CFAP299: variants seen among roughly 807,000 people sequenced by gnomAD.
CFAP299 encodes the protein cilia and flagella associated protein 299.
Under a neutral mutation model 27.0 loss-of-function variants are expected in CFAP299, and 21 were observed. That is an observed-to-expected ratio of 0.78 (90% CI 0.55 to 1.12). The LOEUF (loss-of-function observed/expected upper bound fraction) is 1.12. Among genes scored for constraint, CFAP299 ranks in the 50% most tolerant of loss-of-function variants. The pLI, the probability that CFAP299 is intolerant of heterozygous loss-of-function variation, is 0.00. For missense variants in CFAP299, 310 were observed against 276.6 expected (o/e 1.12, Z -0.86); for synonymous variants, 104 against 98.1 (o/e 1.06, Z -0.36).
chr4:80,406,989 C>G (rs182712207), intron 2 of CFAP299, among the ~76,000 whole-genome samples: 155 of 151,786 alleles, frequency 1.0e-3, no homozygotes, highest in African/African-American at 3.5e-3. Flanking sequence ...TTTTTTTAAA[C>G]CAAAATAGCA....
chr4:80,574,151 T>A (rs895405541), intron 2 of CFAP299, among the ~76,000 whole-genome samples: 1 of 152,134 alleles, frequency 6.6e-6, no homozygotes, highest in African/African-American at 2.4e-5. Flanking sequence ...TATTTTATAG[T>A]TTTTATTGTA....
chr4:80,812,301 G>A (rs560138685), intron 3 of CFAP299, among the ~76,000 whole-genome samples: 1 of 151,998 alleles, frequency 6.6e-6, no homozygotes, highest in Non-Finnish European at 1.5e-5. Context: ...GAGACTGCAG[G>A]TGTGGGTGCA....
At chr4:80,685,658 A>G (rs1395928996) in intron 3 of CFAP299, among the ~76,000 whole-genome samples, 1 of 150,758 alleles carries the variant, frequency 6.6e-6, no homozygotes, top group Non-Finnish European at 1.5e-5. Flanking sequence ...GCAAATTGGT[A>G]TTAAAGGGAA....
intron 1 of CFAP299, among the ~76,000 whole-genome samples, chr4:80,347,803 A>G (rs1237042683): frequency 2.0e-5 from 3 of 152,208 alleles, no homozygotes; most frequent in Admixed American, 2.0e-4. Flanking sequence ...TATAGAACCA[A>G]AAAGAGCTCA....
Position 80,742,634 on chromosome 4 carries a change from A to C in CFAP299, c.334-127359A>C, listed in dbSNP as rs550512066. 3.3e-5 allele frequency among the ~76,000 whole-genome samples: 5 copies of C among 152,302 alleles called. No homozygotes were observed. In the South Asian group the frequency reaches 8.3e-4, roughly 25 times the overall value. ...TGAGGGGTCAGATAATGGATGGGCT[A>C]TTTTGCTAGGTTATAAGTGGAGAAC... On this transcript the variant is annotated intron_variant, in intron 3 of 5. Transcript: ENST00000358105.
intron 3 of CFAP299, among the ~76,000 whole-genome samples, chr4:80,771,613 G>GTGA (rs1210306933): frequency 6.6e-6 from 1 of 152,154 alleles, no homozygotes; most frequent in Non-Finnish European, 1.5e-5. Context: ...AAGTAACAGG[G>GTGA]TGACTATAAG....
chr4:80,956,246 C>T (rs1738058099), intron 5 of CFAP299, among the ~76,000 whole-genome samples: 1 of 152,106 alleles, frequency 6.6e-6, no homozygotes, highest in Non-Finnish European at 1.5e-5. Context: ...TGCAGTTAGA[C>T]CATGTCAATT....
intron 5 of CFAP299, 50 bp from the exon 6 acceptor site, chr4:80,963,467 G>C: frequency 7.8e-7 from 1 of 1,284,916 alleles, no homozygotes; most frequent in Non-Finnish European, 1.1e-6. Flanking sequence ...TTTTAAAAAA[G>C]GCCAAGTATT....
intron 4 of CFAP299, among the ~76,000 whole-genome samples, chr4:80,918,050 T>C (rs1735850264): frequency 6.6e-6 from 1 of 152,180 alleles, no homozygotes. Flanking sequence ...TGCTGTACCA[T>C]TAGCTCTGCT....
In CFAP299 at chr4:80,743,256, A is replaced by C. The variant is rs546872393; in HGVS notation, c.334-126737A>C. On this transcript the variant is annotated intron_variant, in intron 3 of 5. Transcript: ENST00000358105. ...ACTAAAAATACAAAAAGAAAAAAAAAAGTACTTGTTATTGCTAGACAATAA... is the reference window on the plus strand; with the variant it reads ...ACTAAAAATACAAAAAGAAAAAAAACAGTACTTGTTATTGCTAGACAATAA... Among the ~76,000 whole-genome samples, 19 of 152,230 alleles carry C rather than the reference A, an allele frequency of 1.2e-4. No homozygotes were observed. In the South Asian group the frequency reaches 3.9e-3, roughly 32 times the overall value.
intron 3 of CFAP299, among the ~76,000 whole-genome samples, chr4:80,671,729 T>C (rs1044091984): frequency 2.0e-5 from 3 of 152,204 alleles, no homozygotes; most frequent in African/African-American, 7.2e-5. Context: ...TAAGTTGGAT[T>C]CCTAGGTATT....
intron 2 of CFAP299, among the ~76,000 whole-genome samples, chr4:80,554,458 GC>G (rs1273506136): frequency 6.8e-6 from 1 of 147,800 alleles, no homozygotes; most frequent in Non-Finnish European, 1.5e-5. Context: ...ATTTTGCATT[GC>G]CCTGGCTATT....
At chr4:80,366,627 G>T (rs996705132) in intron 2 of CFAP299, among the ~76,000 whole-genome samples, 4 of 152,200 alleles carry the variant, frequency 2.6e-5, no homozygotes, top group Non-Finnish European at 5.9e-5. Flanking sequence ...TTGTTGGTGG[G>T]AATGGAAAAT....
intron 3 of CFAP299, among the ~76,000 whole-genome samples, chr4:80,772,784 A>G (rs1446674178): frequency 6.6e-6 from 1 of 151,890 alleles, no homozygotes; most frequent in Non-Finnish European, 1.5e-5. Context: ...TCATTGTGCA[A>G]CTCTCACTTA....
At chr4:80,793,828 C>T (rs1443541851) in intron 3 of CFAP299, among the ~76,000 whole-genome samples, 1 of 152,148 alleles carries the variant, frequency 6.6e-6, no homozygotes, top group Non-Finnish European at 1.5e-5. Flanking sequence ...CCTCATGACT[C>T]ATTTCTGCAA....
rs145593497 is a variant in CFAP299, at chr4:80,705,629, C to T, written c.333+122446C>T. Among the ~76,000 whole-genome samples the T allele has an allele frequency of 5.3e-3, 808 of 151,942 alleles. 3 individuals are homozygous for T. Among genetic ancestry groups the T allele is most frequent in the African/African-American group, 0.019 (770 of 41,514 alleles). ...GAACAGAACTGGTCTATTGATCTAA[C>T]AGGGAAAGGCATCTTCTATCTAACC... is the stretch of plus-strand genomic sequence containing the variant. On this transcript the variant is annotated intron_variant, in intron 3 of 5. Transcript: ENST00000358105.
chr4:80,340,300 A>T (rs1302704862), intron 1 of CFAP299, among the ~76,000 whole-genome samples: 1 of 152,186 alleles, frequency 6.6e-6, no homozygotes, highest in East Asian at 1.9e-4. Context: ...TGCAACCCAC[A>T]GATCAGGAGA....
intron 3 of CFAP299, among the ~76,000 whole-genome samples, chr4:80,772,390 A>G (rs1388806448): frequency 6.6e-6 from 1 of 152,132 alleles, no homozygotes; most frequent in Non-Finnish European, 1.5e-5. Flanking sequence ...ACATAACTGC[A>G]TGGGTACTGA....
chr4:80,723,655 T>A lies in CFAP299; in HGVS notation c.333+140472T>A, dbSNP rs373325727. On this transcript the variant is annotated intron_variant, in intron 3 of 5. Coordinates refer to ENST00000358105, the MANE Select transcript of CFAP299 (RefSeq NM_152770.3). ...CTTAGGGTAATTGATATATTTATTA[T>A]CTTTATTGTTGTGACAATTTTATGG... Among the ~76,000 whole-genome samples, 20 of 152,276 alleles carry A rather than the reference T, an allele frequency of 1.3e-4. No individual in the cohort carries two copies. The South Asian group carries it at 3.3e-3, about 25-fold the overall frequency.
Sources: gnomAD v4.1 joint callset for allele counts (sites outside exome capture counted in the v4.1 genomes callset) on GRCh38, gnomAD v4.1.1 for gene constraint, MANE v1.5 for transcripts, NCBI Gene and HGNC (gene_info 2026-07-23, HGNC 2026-07-21) for gene names.